Variants in SPATA18 observed in about 807,000 individuals in gnomAD.
SPATA18 encodes spermatogenesis associated 18.
In SPATA18, 54 loss-of-function variants were observed where a neutral mutation model predicts 68.1. That is an observed-to-expected ratio of 0.79 (90% CI 0.64 to 0.99). SPATA18 has a LOEUF of 0.99. Among genes scored for constraint, SPATA18 ranks in the 50% least tolerant of loss-of-function variants. The pLI is 0.00. For synonymous variants in SPATA18, 242 were observed against 244.8 expected (o/e 0.99, Z 0.11); for missense variants, 724 against 681.1 (o/e 1.06, Z -0.70).
Position 52,060,640 on chromosome 4 carries a change from C to T in SPATA18, c.193+116C>T, listed in dbSNP as rs897741658. 3 of 1,147,498 alleles carry T rather than the reference C, an allele frequency of 2.6e-6. No homozygotes were observed. In the Admixed American group the frequency reaches 6.3e-5, roughly 24 times the overall value. The allele number at this position is 1,147,498 out of a possible 1,614,324, so 71.1% of individuals were successfully genotyped here. A position where few individuals can be genotyped will look rare whatever the true frequency, so the allele number is the denominator to read the frequency against. On this transcript the variant is annotated intron_variant, in intron 2 of 12. Coordinates refer to ENST00000295213, the MANE Select transcript of SPATA18 (RefSeq NM_145263.4). Reference sequence around the variant, plus strand: ...TGGGTTTCTCTCACTGACCTGATGACCTGATGTGTGTATTCTCTCTTTTTT... The same window carrying T: ...TGGGTTTCTCTCACTGACCTGATGATCTGATGTGTGTATTCTCTCTTTTTT...
At chr4:52,079,644 A>T in intron 8 of SPATA18, 100 bp from the exon 9 acceptor site, 1 of 1,376,382 alleles carries the variant, frequency 7.3e-7, no homozygotes, top group Non-Finnish European at 1.0e-6. Flanking sequence ...TTTGGCTCAC[A>T]TTCTCTTTTC....
intron 4 of SPATA18, among the ~76,000 whole-genome samples, chr4:52,063,237 T>C (rs1439136184): frequency 6.6e-6 from 1 of 152,244 alleles, no homozygotes; most frequent in Non-Finnish European, 1.5e-5. Context: ...TTTCCATTTT[T>C]CTAAGGAAGA....
chr4:52,094,417 C>A, intron 11 of SPATA18, 110 bp from the exon 12 acceptor site: 1 of 929,242 alleles, frequency 1.1e-6, no homozygotes, highest in Non-Finnish European at 1.7e-6. Flanking sequence ...TGCTAAAGTG[C>A]CTCAGAGAAA....
intron 4 of SPATA18, among the ~76,000 whole-genome samples, chr4:52,067,644 C>T (rs535299965): frequency 3.0e-3 from 450 of 152,226 alleles, no homozygotes; most frequent in Non-Finnish European, 5.1e-3. Flanking sequence ...TTCTCAGAGT[C>T]CTTCTGTGAC....
At chr4:52,074,137 T>C (rs948697626) in intron 6 of SPATA18, among the ~76,000 whole-genome samples, 27 of 152,204 alleles carry the variant, frequency 1.8e-4, no homozygotes. Flanking sequence ...GTCCTTTTTC[T>C]TCTAGAATGG....
intron 11 of SPATA18, among the ~76,000 whole-genome samples, chr4:52,089,741 G>A (rs561189407): frequency 6.6e-5 from 10 of 152,304 alleles, no homozygotes; most frequent in East Asian, 3.9e-4. Context: ...ATCTGGTGCC[G>A]AGAAGAATGT....
In SPATA18 at chr4:52,076,823, G is replaced by A. The variant is rs577137858; in HGVS notation, c.803G>A (p.Ser268Asn). Residue 268 changes from serine to asparagine, a missense_variant, in exon 7 of 13, where the codon AGC becomes AAC. Coordinates refer to ENST00000295213, the MANE Select transcript of SPATA18 (RefSeq NM_145263.4). ...CCCAGCCCTGCCCCTCGCAGCCGTAGCTGCAGCCGCAGCAGATCTGCCAGC... is the reference window on the plus strand; with the variant it reads ...CCCAGCCCTGCCCCTCGCAGCCGTAACTGCAGCCGCAGCAGATCTGCCAGC... ...RSPSPAPRSR[S>N]CSRSRSASPS... 6.2e-7 allele frequency: 1 copy of A among 1,614,066 alleles called. No individual in the cohort carries two copies. Among genetic ancestry groups the A allele is most frequent in the East Asian group, 2.2e-5 (1 of 44,872 alleles).
intron 1 of SPATA18, 147 bp downstream of exon 1, chr4:52,051,938 G>T: frequency 1.4e-6 from 1 of 721,672 alleles, no homozygotes; most frequent in Non-Finnish European, 2.4e-6. Context: ...GCTTTCGACC[G>T]GGATCGCTGG....
intron 12 of SPATA18, 75 bp downstream of exon 12, chr4:52,094,647 A>AAAATG: frequency 6.9e-7 from 1 of 1,452,232 alleles, no homozygotes; most frequent in East Asian, 2.3e-5. Flanking sequence ...ACTGAGCAGC[A>AAAATG]AAATGAATGC....
chr4:52,052,762 T>C (rs1053375780), intron 1 of SPATA18, among the ~76,000 whole-genome samples: 2 of 152,230 alleles, frequency 1.3e-5, no homozygotes, highest in African/African-American at 4.8e-5. Context: ...TTTTAAGTTT[T>C]TGAGCCTAGA....
rs937238753 is a variant in SPATA18, at chr4:52,081,049, C to T, written c.1355+1130C>T. Among the ~76,000 whole-genome samples, 42 of 152,330 alleles carry T rather than the reference C, an allele frequency of 2.8e-4. No homozygotes were observed. The Middle Eastern group carries it at 0.014, about 49-fold the overall frequency. ...CAACATGGATCAACTCATGGAAGAG[C>T]TGATACTAGGACATTACACTGCAGT... On this transcript the variant is annotated intron_variant, in intron 9 of 12. Transcript: ENST00000295213.
chr4:52,075,871 C>T (rs1740294266), intron 6 of SPATA18, among the ~76,000 whole-genome samples: 1 of 152,176 alleles, frequency 6.6e-6, no homozygotes, highest in Admixed American at 6.5e-5. Context: ...GACCTTTCTT[C>T]ATGGGAACAA....
chr4:52,077,653 A>G (rs1740514276), intron 7 of SPATA18, among the ~76,000 whole-genome samples: 1 of 152,168 alleles, frequency 6.6e-6, no homozygotes, highest in African/African-American at 2.4e-5. Context: ...ATATGCACAC[A>G]CAGTGGATAT....
rs756292038 is a variant in SPATA18, at chr4:52,060,842, C to T, written c.254C>T (p.Ser85Phe). 7.4e-6 allele frequency: 12 copies of T among 1,613,982 alleles called. No individual in the cohort carries two copies. The highest frequency in any genetic ancestry group is 1.0e-5 in the Non-Finnish European group (12 of 1,179,960). The change falls in exon 3 of 13, where the codon TCC (serine) becomes TTC (phenylalanine). Residue 85 changes from serine to phenylalanine, a missense_variant. By Grantham distance (155) the Ser-to-Phe change is radical. Transcript: ENST00000295213. ...CGCCTTTTGCCTTGGCTGGAGGCTT[C>T]CTTTACTGCTGCTTCCCTGGGAAAA... ...KSRLLPWLEA[S>F]FTAASLGKSV...
intron 4 of SPATA18, among the ~76,000 whole-genome samples, chr4:52,063,396 G>T (rs1274068149): frequency 1.3e-5 from 2 of 152,154 alleles, no homozygotes; most frequent in South Asian, 4.1e-4. Flanking sequence ...ATTTTTCTTT[G>T]TGCCTGCACC....
chr4:52,059,632 A>C (rs1452112130), intron 1 of SPATA18, among the ~76,000 whole-genome samples: 1 of 152,194 alleles, frequency 6.6e-6, no homozygotes, highest in Non-Finnish European at 1.5e-5. Flanking sequence ...TTCCAAGACA[A>C]TGGACTCTTG....
intron 9 of SPATA18, 83 bp downstream of exon 9, chr4:52,080,002 G>A: frequency 2.8e-6 from 4 of 1,432,162 alleles, no homozygotes; most frequent in Non-Finnish European, 3.8e-6. Flanking sequence ...TTAAGGAAAA[G>A]AACTCTGGGT....
intron 11 of SPATA18, among the ~76,000 whole-genome samples, chr4:52,089,557 G>A (rs147817252): frequency 6.6e-6 from 1 of 152,160 alleles, no homozygotes; most frequent in Non-Finnish European, 1.5e-5. Flanking sequence ...AGTCATTCAG[G>A]AGCAGGTTGT....
intron 10 of SPATA18, 77 bp from the exon 11 acceptor site, chr4:52,084,839 A>C: frequency 1.5e-6 from 2 of 1,312,854 alleles, no homozygotes; most frequent in Non-Finnish European, 2.2e-6. Flanking sequence ...ATTCTGTGGG[A>C]TATGCATGTT....
Sources: allele counts gnomAD v4.1 joint callset (sites outside exome capture counted in the v4.1 genomes callset), GRCh38; gene constraint gnomAD v4.1.1; transcripts MANE v1.5; gene names NCBI Gene and HGNC (gene_info 2026-07-23, HGNC 2026-07-21).